DAB1: variants seen among roughly 807,000 people sequenced by gnomAD.
DAB1 encodes DAB adaptor protein 1, also known as disabled homolog 1.
DAB1 carries 15 observed loss-of-function variants against 64.6 expected under a neutral mutation model. That is an observed-to-expected ratio of 0.23 (90% CI 0.16 to 0.36). The LOEUF is 0.36. Ranked by LOEUF, DAB1 falls within the 10% of genes least tolerant of loss-of-function variation. The pLI, the probability that DAB1 is intolerant of heterozygous loss-of-function variation, is 1.00. For synonymous variants in DAB1, 235 were observed against 251.9 expected (o/e 0.93, Z 0.64); for missense variants, 596 against 706.7 (o/e 0.84, Z 1.78).
chr1:57,749,645 A>T (rs1648460028), intron 6 of DAB1, among the ~76,000 whole-genome samples: 1 of 152,098 alleles, frequency 6.6e-6, no homozygotes, highest in Non-Finnish European at 1.5e-5. Flanking sequence ...CCCTTAATCC[A>T]TGTGGCAATT....
intron 7 of DAB1, among the ~76,000 whole-genome samples, chr1:57,610,715 C>T (rs1003798379): frequency 2.6e-5 from 4 of 152,110 alleles, no homozygotes; most frequent in Admixed American, 6.5e-5. Flanking sequence ...AAATGCCAGA[C>T]GCTTATAAAA....
chr1:58,283,803 T>C (rs192096532), intron 4 of DAB1, among the ~76,000 whole-genome samples: 85 of 152,358 alleles, frequency 5.6e-4, no homozygotes, highest in African/African-American at 1.9e-3. Flanking sequence ...ATTTTGGAGC[T>C]GCCCACATTG....
chr1:57,638,080 T>C (rs1403911486), intron 7 of DAB1, among the ~76,000 whole-genome samples: 1 of 152,194 alleles, frequency 6.6e-6, no homozygotes, highest in Admixed American at 6.5e-5. Flanking sequence ...AATATAAAAA[T>C]GCATAATGTA....
chr1:58,543,561 T>C (rs1379149451), intron 1 of DAB1, among the ~76,000 whole-genome samples: 7 of 152,124 alleles, frequency 4.6e-5, no homozygotes, highest in Admixed American at 3.9e-4. Context: ...CCACTACAGT[T>C]TGACCCCAAA....
At chr1:57,532,529 G>A (rs896942460) in intron 7 of DAB1, among the ~76,000 whole-genome samples, 1 of 152,170 alleles carries the variant, frequency 6.6e-6, no homozygotes. Context: ...CCATGTGACT[G>A]GTCCAAAGCA....
chr1:57,208,567 C>T (rs1215805423), intron 2 of DAB1, among the ~76,000 whole-genome samples: 1 of 152,222 alleles, frequency 6.6e-6, no homozygotes, highest in East Asian at 1.9e-4. Context: ...CTAAAACTAT[C>T]TGTACCTCAA....
chr1:58,014,928 G>A (rs1283641464), intron 5 of DAB1, among the ~76,000 whole-genome samples: 1 of 152,182 alleles, frequency 6.6e-6, no homozygotes, highest in African/African-American at 2.4e-5. Flanking sequence ...TCACTGGACA[G>A]CAACTTGAGT....
chr1:57,225,495 C>G (rs1055410949), intron 2 of DAB1, among the ~76,000 whole-genome samples: 1 of 152,294 alleles, frequency 6.6e-6, no homozygotes, highest in East Asian at 1.9e-4. Flanking sequence ...ACCAAAGACA[C>G]AGCATACATC....
chr1:56,996,881 A>C lies in DAB1; in HGVS notation c.*1263T>G, dbSNP rs942542819. 1 of 151,992 alleles carries C rather than the reference A, an allele frequency of 6.6e-6. No homozygotes were observed. Among genetic ancestry groups the C allele is most frequent in the Non-Finnish European group, 1.5e-5 (1 of 68,002 alleles). The allele number at this position is 151,992 out of a possible 1,614,324, so 9.4% of individuals were successfully genotyped here. ...CATTTTCATTAACATTTATATTTAC[A>C]AAAAAAAGACAATTTTTTTTCATTA... On this transcript the variant is annotated 3_prime_UTR_variant, in exon 15 of 15. Transcript: ENST00000371236.
chr1:57,855,148 T>G (rs1251689533), intron 1 of DAB1, among the ~76,000 whole-genome samples: 2 of 152,096 alleles, frequency 1.3e-5, no homozygotes, highest in East Asian at 3.9e-4. Flanking sequence ...CATCTATGAG[T>G]GCACAGCAAC....
chr1:58,100,283 T>G (rs889882591), intron 5 of DAB1, among the ~76,000 whole-genome samples: 22 of 152,218 alleles, frequency 1.4e-4, no homozygotes, highest in African/African-American at 5.1e-4. Context: ...CACAATTCTA[T>G]GTTCTGTGTC....
chr1:57,821,802 T>C (rs1652133949), downstream of DAB1, among the ~76,000 whole-genome samples: 1 of 151,834 alleles, frequency 6.6e-6, no homozygotes, highest in Non-Finnish European at 1.5e-5. Context: ...GTCACCTTCT[T>C]CCATTTTTTT....
intron 6 of DAB1, among the ~76,000 whole-genome samples, chr1:57,772,614 C>T (rs546658589): frequency 2.6e-5 from 4 of 152,206 alleles, no homozygotes; most frequent in Admixed American, 2.0e-4. Context: ...TCCAAAGTGG[C>T]TGTAACCTTT....
At chr1:57,784,709 C>A (rs576836901) in intron 6 of DAB1, among the ~76,000 whole-genome samples, 14 of 152,202 alleles carry the variant, frequency 9.2e-5, no homozygotes, top group South Asian at 2.1e-4. Flanking sequence ...AAGTTGGTTC[C>A]TGAGGTTTAA....
chr1:58,239,628 C>T (rs1423769366), intron 4 of DAB1, among the ~76,000 whole-genome samples: 1 of 152,066 alleles, frequency 6.6e-6, no homozygotes, highest in African/African-American at 2.4e-5. Context: ...ACCAGGGGAC[C>T]CTTTTCGCAA....
In DAB1 at chr1:57,026,063, A is replaced by C; in HGVS notation, c.724-20T>G. On this transcript the variant is annotated intron_variant, in intron 9 of 14. Coordinates refer to ENST00000371236, the MANE Select transcript of DAB1 (RefSeq NM_001365792.1). ...CACAGCCTGTAAAGACAAAAAGGTA[A>C]TCATGTGACTACAAAGAAAGCTGGT... The C allele has an allele frequency of 6.3e-7, 1 of 1,592,476 alleles. No individual in the cohort carries two copies. The highest frequency in any genetic ancestry group is 8.6e-7 in the Non-Finnish European group (1 of 1,166,316).
intron 4 of DAB1, among the ~76,000 whole-genome samples, chr1:57,093,077 C>T (rs1653841877): frequency 6.6e-6 from 1 of 152,128 alleles, no homozygotes; most frequent in African/African-American, 2.4e-5. Context: ...GCTCAAAGAG[C>T]AACTGTACTG....
chr1:57,537,707 T>C (rs1570606793), intron 7 of DAB1, among the ~76,000 whole-genome samples: 1 of 152,242 alleles, frequency 6.6e-6, no homozygotes, highest in Non-Finnish European at 1.5e-5. Context: ...TTTGAAGGCA[T>C]CTGCTTTGTC....
intron 7 of DAB1, among the ~76,000 whole-genome samples, chr1:57,619,044 T>A (rs1645823687): frequency 6.6e-6 from 1 of 152,232 alleles, no homozygotes. Context: ...GTATGTTACG[T>A]AGGTGTTTCT....
Sources: gnomAD v4.1 joint callset for allele counts (sites outside exome capture counted in the v4.1 genomes callset) on GRCh38, gnomAD v4.1.1 for gene constraint, MANE v1.5 for transcripts, NCBI Gene and HGNC (gene_info 2026-07-23, HGNC 2026-07-21) for gene names.